The following REDIC1 variants were observed in gnomAD, a reference collection of about 807,000 sequenced individuals.
REDIC1 encodes the protein HEI10 Interacting Protein 1.
the REDIC1 span, among the ~76,000 whole-genome samples, chr12:39,724,205 T>G: frequency 6.6e-6 from 1 of 152,126 alleles, no homozygotes; most frequent in South Asian, 2.1e-4. Flanking sequence ...GCGGGATAAG[T>G]CTTTGAAAGT....
At chr12:39,849,787 G>T in the REDIC1 span, among the ~76,000 whole-genome samples, 1 of 151,820 alleles carries the variant, frequency 6.6e-6, no homozygotes, top group African/African-American at 2.4e-5. Context: ...GTCTTTTAAG[G>T]CTTTAATATT....
chr12:39,717,908 A>C, the REDIC1 span, among the ~76,000 whole-genome samples: 1 of 151,320 alleles, frequency 6.6e-6, no homozygotes, highest in African/African-American at 2.4e-5. Context: ...ATTCCCCTGG[A>C]GTGGTATATA....
chr12:39,760,220 C>T, the REDIC1 span: 1 of 1,612,552 alleles, frequency 6.2e-7, no homozygotes, highest in East Asian at 2.2e-5. Context: ...AGGAGTCCCA[C>T]AGCAGCAAAT....
At chr12:39,742,769 A>T in the REDIC1 span, among the ~76,000 whole-genome samples, 242 of 152,354 alleles carry the variant, frequency 1.6e-3, 2 homozygotes, top group African/African-American at 5.3e-3. Flanking sequence ...CTGTCCTCAC[A>T]AACTGAAAAT....
the REDIC1 span, among the ~76,000 whole-genome samples, chr12:39,849,256 G>C: frequency 1.3e-5 from 2 of 152,028 alleles, no homozygotes; most frequent in African/African-American, 4.8e-5. Flanking sequence ...ATTGCAAATT[G>C]GTAATGCTGA....
the REDIC1 span, among the ~76,000 whole-genome samples, chr12:39,866,473 A>C: frequency 6.6e-6 from 1 of 152,274 alleles, no homozygotes; most frequent in Non-Finnish European, 1.5e-5. Flanking sequence ...AAATGTCATA[A>C]TGTATTTGAA....
the REDIC1 span, among the ~76,000 whole-genome samples, chr12:39,635,214 C>A: frequency 3.9e-3 from 595 of 152,168 alleles, 4 homozygotes; most frequent in African/African-American, 0.014. Flanking sequence ...ATTAGTTCAA[C>A]CATTGTGGAA....
At chr12:39,905,024 T>C in the REDIC1 span, among the ~76,000 whole-genome samples, 3 of 152,106 alleles carry the variant, frequency 2.0e-5, no homozygotes, top group African/African-American at 7.2e-5. Flanking sequence ...TAAAACTAGT[T>C]TACTGCTTTA....
At chr12:39,878,076 C>G in the REDIC1 span, among the ~76,000 whole-genome samples, 7 of 152,290 alleles carry the variant, frequency 4.6e-5, no homozygotes, top group African/African-American at 1.4e-4. Flanking sequence ...CTTCCTAAGG[C>G]CTCCCAAGAA....
the REDIC1 span, among the ~76,000 whole-genome samples, chr12:39,808,412 T>C: frequency 2.0e-5 from 3 of 152,184 alleles, no homozygotes; most frequent in African/African-American, 7.2e-5. Context: ...TATAAACGAC[T>C]GTGTAGAAAC....
the REDIC1 span, among the ~76,000 whole-genome samples, chr12:39,714,072 CGT>C: frequency 7.7e-4 from 6 of 7,778 alleles, no homozygotes; most frequent in African/African-American, 1.3e-3. Context: ...TGTGTATATA[CGT>C]GTATATACAC....
the REDIC1 span, among the ~76,000 whole-genome samples, chr12:39,750,454 A>G: frequency 6.6e-6 from 1 of 152,234 alleles, no homozygotes; most frequent in African/African-American, 2.4e-5. Flanking sequence ...CATGGATAGG[A>G]AGAATCTATA....
chr12:39,754,286 C>G, the REDIC1 span: 8 of 151,964 alleles, frequency 5.3e-5, no homozygotes, highest in East Asian at 7.7e-4. Flanking sequence ...ATTTTTCTGC[C>G]CACTGATACT....
chr12:39,789,845 T>A, the REDIC1 span, among the ~76,000 whole-genome samples: 58 of 152,314 alleles, frequency 3.8e-4, no homozygotes, highest in African/African-American at 1.3e-3. Flanking sequence ...TCTGCTTTTA[T>A]AGAGTGTCTA....
At chr12:39,645,603 A>T in the REDIC1 span, among the ~76,000 whole-genome samples, 1 of 152,060 alleles carries the variant, frequency 6.6e-6, no homozygotes, top group East Asian at 1.9e-4. Context: ...CTCTGGTCCC[A>T]CATTTTAAAA....
the REDIC1 span, among the ~76,000 whole-genome samples, chr12:39,664,960 T>C: frequency 6.6e-6 from 1 of 152,266 alleles, no homozygotes; most frequent in East Asian, 1.9e-4. Context: ...TCATTGTAGA[T>C]TCTGGATATT....
chr12:39,727,883 G>T, the REDIC1 span, among the ~76,000 whole-genome samples: 1 of 152,058 alleles, frequency 6.6e-6, no homozygotes, highest in African/African-American at 2.4e-5. Flanking sequence ...CATGTAATTT[G>T]TATTCCTAGG....
chr12:39,676,240 A>G, the REDIC1 span, among the ~76,000 whole-genome samples: 1 of 152,274 alleles, frequency 6.6e-6, no homozygotes, highest in South Asian at 2.1e-4. Flanking sequence ...AGAGAAATAG[A>G]TGTCATAAAG....
the REDIC1 span, among the ~76,000 whole-genome samples, chr12:39,762,544 G>T: frequency 6.6e-6 from 1 of 151,940 alleles, no homozygotes; most frequent in Admixed American, 6.6e-5. Context: ...ATTGAATGGG[G>T]GCACAAGGCA....
Sources: gnomAD v4.1 joint callset for allele counts (sites outside exome capture counted in the v4.1 genomes callset) on GRCh38, gnomAD v4.1.1 for gene constraint, MANE v1.5 for transcripts, NCBI Gene and HGNC (gene_info 2026-07-23, HGNC 2026-07-21) for gene names.